EPHA3: variants seen among roughly 807,000 people sequenced by gnomAD.
The protein encoded by EPHA3 is EPH receptor A3.
Under a neutral mutation model 107.1 loss-of-function variants are expected in EPHA3, and 42 were observed. The ratio of observed to expected loss-of-function variants is 0.39; its 90% confidence interval spans 0.31 to 0.51. EPHA3 has a LOEUF of 0.51. Among genes scored for constraint, EPHA3 ranks in the 20% least tolerant of loss-of-function variants. The pLI is 0.78. For missense variants in EPHA3, 1,183 were observed against 1,211.2 expected (o/e 0.98, Z 0.35); for synonymous variants, 461 against 424.8 (o/e 1.09, Z -1.05).
intron 3 of EPHA3, among the ~76,000 whole-genome samples, chr3:89,245,852 G>C (rs568000077): frequency 6.6e-6 from 1 of 152,178 alleles, no homozygotes; most frequent in African/African-American, 2.4e-5. Flanking sequence ...TACAAGGACA[G>C]CTTTTCTAAT....
At chr3:89,343,882 A>G (rs578084453) in intron 5 of EPHA3, among the ~76,000 whole-genome samples, 28 of 152,292 alleles carry the variant, frequency 1.8e-4, no homozygotes, top group Non-Finnish European at 3.1e-4. Flanking sequence ...TGGTATTTAT[A>G]CTTTGTAACT....
chr3:89,393,207 A>G (rs1708780233), intron 5 of EPHA3, among the ~76,000 whole-genome samples: 1 of 152,184 alleles, frequency 6.6e-6, no homozygotes, highest in South Asian at 2.1e-4. Context: ...TAGCGATGGC[A>G]CAAGCTTCAA....
At chr3:89,405,969 A>C (rs1385375913) in intron 7 of EPHA3, among the ~76,000 whole-genome samples, 1 of 152,176 alleles carries the variant, frequency 6.6e-6, no homozygotes, top group African/African-American at 2.4e-5. Flanking sequence ...ATAAAGAGCC[A>C]AAATTTTCCT....
intron 16 of EPHA3, among the ~76,000 whole-genome samples, chr3:89,477,706 C>G (rs986216288): frequency 1.3e-5 from 2 of 151,898 alleles, no homozygotes; most frequent in African/African-American, 4.8e-5. Context: ...ACAAATGATA[C>G]TTTACGCCCT....
intron 3 of EPHA3, among the ~76,000 whole-genome samples, chr3:89,248,148 G>T (rs116526886): frequency 1.3e-5 from 2 of 151,998 alleles, no homozygotes; most frequent in Admixed American, 6.5e-5. Flanking sequence ...CCTTAAATGC[G>T]CTGCAACATC....
chr3:89,315,398 G>A (rs1229394366), intron 3 of EPHA3, among the ~76,000 whole-genome samples: 1 of 151,778 alleles, frequency 6.6e-6, no homozygotes, highest in African/African-American at 2.4e-5. Flanking sequence ...ACAGTTCAGA[G>A]CTCAGGGAAC....
chr3:89,199,677 C>T (rs1705925272), intron 2 of EPHA3, among the ~76,000 whole-genome samples: 1 of 152,148 alleles, frequency 6.6e-6, no homozygotes, highest in East Asian at 1.9e-4. Context: ...TTTTCACCCT[C>T]TATTTCAAAA....
At chr3:89,199,613 C>T (rs752336727) in intron 2 of EPHA3, among the ~76,000 whole-genome samples, 1 of 151,860 alleles carries the variant, frequency 6.6e-6, no homozygotes, top group Non-Finnish European at 1.5e-5. Context: ...TTTTTATTTC[C>T]ACCCCACCAT....
At chr3:89,310,373 T>C (rs1479188923) in intron 3 of EPHA3, among the ~76,000 whole-genome samples, 2 of 152,050 alleles carry the variant, frequency 1.3e-5, no homozygotes, top group African/African-American at 4.8e-5. Context: ...TTTGGAAAAT[T>C]CATTAATTTT....
chr3:89,274,585 C>A (rs542586612), intron 3 of EPHA3, among the ~76,000 whole-genome samples: 9 of 151,812 alleles, frequency 5.9e-5, no homozygotes, highest in Non-Finnish European at 7.4e-5. Flanking sequence ...AGAGAACAGA[C>A]AAATATGTTT....
At chr3:89,285,073 A>T (rs1358268252) in intron 3 of EPHA3, among the ~76,000 whole-genome samples, 1 of 152,170 alleles carries the variant, frequency 6.6e-6, no homozygotes, top group Non-Finnish European at 1.5e-5. Context: ...CAGTGAGCCG[A>T]GATCATGCCA....
At position 89,419,382 on chromosome 3, in the gene EPHA3, T is replaced by G; in HGVS notation, c.2066T>G (p.Val689Gly). ...AATATCATTCGACTGGAAGGAGTTG[T>G]TACCAAAAGTAAGTAAAGTAGTCAT... ...HPNIIRLEGV[V>G]TKSKPVMIVT... Residue 689 changes from valine (V) to glycine (G), a missense_variant, in exon 11 of 17, where the codon GTT (valine) becomes GGT (glycine). Val to Gly is a moderately radical substitution (Grantham distance 109). Coordinates refer to ENST00000336596, the MANE Select transcript of EPHA3 (RefSeq NM_005233.6). 6.3e-7 allele frequency: 1 copy of G among 1,587,860 alleles called. No individual in the cohort carries two copies. Among genetic ancestry groups the G allele is most frequent in the Non-Finnish European group, 8.6e-7 (1 of 1,168,232 alleles).
intron 13 of EPHA3, among the ~76,000 whole-genome samples, chr3:89,442,717 C>A (rs938171376): frequency 3.9e-5 from 6 of 152,044 alleles, no homozygotes; most frequent in Non-Finnish European, 7.4e-5. Flanking sequence ...TTTTCCTGTC[C>A]ATATTGGACT....
intron 5 of EPHA3, among the ~76,000 whole-genome samples, chr3:89,381,305 A>T (rs539220087): frequency 1.3e-5 from 2 of 152,114 alleles, no homozygotes; most frequent in South Asian, 4.1e-4. Context: ...TATAAGTTAA[A>T]CATCAAAGAG....
intron 5 of EPHA3, among the ~76,000 whole-genome samples, chr3:89,393,860 C>T (rs150326237): frequency 6.6e-6 from 1 of 152,048 alleles, no homozygotes; most frequent in Non-Finnish European, 1.5e-5. Flanking sequence ...GTTTATGAAG[C>T]TTCAACTAAA....
At chr3:89,446,208 A>T (rs373373410) in intron 13 of EPHA3, among the ~76,000 whole-genome samples, 1 of 152,186 alleles carries the variant, frequency 6.6e-6, no homozygotes, top group Non-Finnish European at 1.5e-5. Context: ...GTAACCATGT[A>T]TTTCATTAGA....
At chr3:89,436,914 T>C (rs1329944222) in intron 13 of EPHA3, among the ~76,000 whole-genome samples, 5 of 152,184 alleles carry the variant, frequency 3.3e-5, no homozygotes, top group African/African-American at 7.2e-5. Flanking sequence ...CAGATTTTTT[T>C]CCCCAATACT....
chr3:89,219,834 A>G (rs1462763354), intron 3 of EPHA3, among the ~76,000 whole-genome samples: 5 of 143,366 alleles, frequency 3.5e-5, no homozygotes, highest in Non-Finnish European at 6.1e-5. Context: ...TCAGCCTCCC[A>G]AGTAGCTGGG....
intron 3 of EPHA3, among the ~76,000 whole-genome samples, chr3:89,285,075 A>T (rs972100374): frequency 2.6e-5 from 4 of 152,178 alleles, no homozygotes; most frequent in Non-Finnish European, 5.9e-5. Flanking sequence ...GTGAGCCGAG[A>T]TCATGCCACT....
Sources: gnomAD v4.1 joint callset for allele counts (sites outside exome capture counted in the v4.1 genomes callset) on GRCh38, gnomAD v4.1.1 for gene constraint, MANE v1.5 for transcripts, NCBI Gene and HGNC (gene_info 2026-07-23, HGNC 2026-07-21) for gene names.